The following FTCDNL1 variants were observed in gnomAD, a reference collection of about 807,000 sequenced individuals.
FTCDNL1 encodes formiminotransferase cyclodeaminase N-terminal like.
FTCDNL1 carries 11 observed loss-of-function variants against 5.9 expected under a neutral mutation model. The observed-to-expected ratio is 1.87, with a 90% CI of 1.18 to 3.10. The LOEUF (loss-of-function observed/expected upper bound fraction) is 3.10. Ranked by LOEUF, FTCDNL1 falls within the 30% of genes most tolerant of loss-of-function variation. FTCDNL1 has a pLI of 0.00. For missense variants in FTCDNL1, 115 were observed against 65.5 expected (o/e 1.76, Z -2.61); for synonymous variants, 58 against 24.8 (o/e 2.34, Z -3.99).
intron 3 of FTCDNL1, among the ~76,000 whole-genome samples, chr2:199,801,341 G>A (rs1574550780): frequency 6.6e-6 from 1 of 152,170 alleles, no homozygotes; most frequent in Non-Finnish European, 1.5e-5. Flanking sequence ...ACGGGGCCCA[G>A]TGCAAAATGA....
intron 3 of FTCDNL1, among the ~76,000 whole-genome samples, chr2:199,776,491 G>C (rs1453081232): frequency 1.3e-5 from 2 of 152,156 alleles, no homozygotes; most frequent in African/African-American, 4.8e-5. Context: ...GGCATATCTA[G>C]TCCAGCACTG....
At chr2:199,765,550 A>T (rs1271796522) in intron 3 of FTCDNL1, among the ~76,000 whole-genome samples, 1,061 of 52,896 alleles carry the variant, frequency 0.02, 16 homozygotes, top group Non-Finnish European at 0.038. Flanking sequence ...ATATATATAT[A>T]TATATATTTT....
chr2:199,813,179 C>T (rs1701139992), intron 4 of FTCDNL1, among the ~76,000 whole-genome samples: 1 of 152,106 alleles, frequency 6.6e-6, no homozygotes. Flanking sequence ...GTGGTAGGAC[C>T]ATGTCTGGAA....
At chr2:199,700,610 A>G in the FTCDNL1 span, among the ~76,000 whole-genome samples, 1 of 152,238 alleles carries the variant, frequency 6.6e-6, no homozygotes, top group South Asian at 2.1e-4. Context: ...AAAAAGAACA[A>G]AACCAGAGGC....
the FTCDNL1 span, among the ~76,000 whole-genome samples, chr2:199,731,526 C>A: frequency 6.6e-6 from 1 of 152,078 alleles, no homozygotes; most frequent in East Asian, 1.9e-4. Context: ...AACAGTTGTG[C>A]CCCCTAGGAA....
At chr2:199,736,054 G>A in the FTCDNL1 span, among the ~76,000 whole-genome samples, 4 of 152,308 alleles carry the variant, frequency 2.6e-5, no homozygotes, top group East Asian at 7.7e-4. Flanking sequence ...TTAGCTTTGT[G>A]ACTATTGGGA....
chr2:199,758,627 C>A (rs113331903), downstream of FTCDNL1, among the ~76,000 whole-genome samples: 1,204 of 152,292 alleles, frequency 7.9e-3, 16 homozygotes, highest in African/African-American at 0.027. Flanking sequence ...CATGCAAAAC[C>A]ATTCACAAGT....
chr2:199,792,178 G>T (rs1398123382), intron 3 of FTCDNL1, among the ~76,000 whole-genome samples: 1 of 152,028 alleles, frequency 6.6e-6, no homozygotes, highest in East Asian at 1.9e-4. Context: ...CACTCTTAAT[G>T]ATTCAAATTT....
chr2:199,844,906 C>T (rs1307448796), intron 3 of FTCDNL1, among the ~76,000 whole-genome samples: 1 of 151,788 alleles, frequency 6.6e-6, no homozygotes, highest in Admixed American at 6.6e-5. Context: ...GATACACAAA[C>T]ATAATTTTTT....
chr2:199,700,432 T>G, the FTCDNL1 span, among the ~76,000 whole-genome samples: 1 of 152,136 alleles, frequency 6.6e-6, no homozygotes, highest in Non-Finnish European at 1.5e-5. Context: ...GCACTCCATG[T>G]TCATGGATAG....
At chr2:199,788,641 A>G (rs1699774483) in intron 3 of FTCDNL1, among the ~76,000 whole-genome samples, 1 of 152,156 alleles carries the variant, frequency 6.6e-6, no homozygotes, top group Non-Finnish European at 1.5e-5. Flanking sequence ...TAGGATAATA[A>G]ACACAAAATA....
chr2:199,789,982 G>T (rs1444068191), intron 3 of FTCDNL1, among the ~76,000 whole-genome samples: 4 of 152,070 alleles, frequency 2.6e-5, no homozygotes, highest in African/African-American at 4.8e-5. Flanking sequence ...CATGTTCTTG[G>T]CTGGAATACT....
chr2:199,688,422 G>A, the FTCDNL1 span, among the ~76,000 whole-genome samples: 50 of 151,898 alleles, frequency 3.3e-4, no homozygotes, highest in Non-Finnish European at 6.6e-4. Context: ...GTAAACTTAG[G>A]GCAAGTCTAG....
intron 3 of FTCDNL1, among the ~76,000 whole-genome samples, chr2:199,784,344 T>A (rs1180570035): frequency 6.6e-6 from 1 of 152,088 alleles, no homozygotes; most frequent in Non-Finnish European, 1.5e-5. Flanking sequence ...CAGCACCAGG[T>A]AAAGATTAGG....
At chr2:199,796,461 A>G (rs1367593558) in intron 3 of FTCDNL1, among the ~76,000 whole-genome samples, 1 of 152,230 alleles carries the variant, frequency 6.6e-6, no homozygotes, top group Non-Finnish European at 1.5e-5. Context: ...GTGAACTGTA[A>G]TTATAACACT....
At chr2:199,736,898 C>T in the FTCDNL1 span, among the ~76,000 whole-genome samples, 2 of 152,168 alleles carry the variant, frequency 1.3e-5, no homozygotes, top group African/African-American at 4.8e-5. Flanking sequence ...TAATTCAGTT[C>T]AAAGCAGTTA....
chr2:199,791,401 T>G (rs1699918668), intron 3 of FTCDNL1, among the ~76,000 whole-genome samples: 1 of 152,166 alleles, frequency 6.6e-6, no homozygotes, highest in Non-Finnish European at 1.5e-5. Context: ...CCTGTATGTG[T>G]GTATACAGTT....
chr2:199,845,274 T>C (rs2076700781), intron 3 of FTCDNL1, among the ~76,000 whole-genome samples: 1 of 152,120 alleles, frequency 6.6e-6, no homozygotes, highest in Non-Finnish European at 1.5e-5. Context: ...ACATTCAAGA[T>C]AATCTGTCCA....
At chr2:199,738,959 G>A in the FTCDNL1 span, among the ~76,000 whole-genome samples, 16 of 152,164 alleles carry the variant, frequency 1.1e-4, 1 homozygote, top group East Asian at 7.7e-4. Flanking sequence ...GTTAAATTTC[G>A]TAATAGCACC....
Sources: gnomAD v4.1 joint callset for allele counts (sites outside exome capture counted in the v4.1 genomes callset) on GRCh38, gnomAD v4.1.1 for gene constraint, MANE v1.5 for transcripts, NCBI Gene and HGNC (gene_info 2026-07-23, HGNC 2026-07-21) for gene names.